Variants in GABRA3 observed in about 807,000 individuals in gnomAD.
GABRA3 encodes gamma-aminobutyric acid type A receptor subunit alpha3, also known as gamma-aminobutyric acid receptor subunit alpha-3.
Under a neutral mutation model 30.1 loss-of-function variants are expected in GABRA3, and 10 were observed. That is an observed-to-expected ratio of 0.33 (90% CI 0.20 to 0.56). The LOEUF (loss-of-function observed/expected upper bound fraction) is 0.56, where lower values mean the gene tolerates loss of function less well. Ranked by LOEUF, GABRA3 falls within the 20% of genes least tolerant of loss-of-function variation. The pLI is 0.89. For missense variants in GABRA3, 233 were observed against 392.0 expected (o/e 0.59, Z 3.42); for synonymous variants, 151 against 146.8 (o/e 1.03, Z -0.21).
At chrX:152,410,146 A>T (rs1482231281) in intron 1 of GABRA3, among the ~76,000 whole-genome samples, 2 of 112,013 alleles carry the variant, frequency 1.8e-5, no homozygotes, top group African/African-American at 6.5e-5. Context: ...GTTCTCACTC[A>T]TTTGTGAGAA....
chrX:152,248,227 C>T (rs1379085163), intron 5 of GABRA3, among the ~76,000 whole-genome samples: 1 of 110,655 alleles, frequency 9.0e-6, no homozygotes, highest in African/African-American at 3.3e-5. Context: ...CTGGGATTGG[C>T]AAACACTTGC....
intron 3 of GABRA3, among the ~76,000 whole-genome samples, chrX:152,315,690 T>G (rs1251560096): frequency 9.1e-6 from 1 of 110,069 alleles, no homozygotes; most frequent in Non-Finnish European, 1.9e-5. Flanking sequence ...GCCTGTTGGG[T>G]TGCAAGGGAG....
intron 6 of GABRA3, among the ~76,000 whole-genome samples, chrX:152,208,717 C>G (rs183419832): frequency 3.1e-4 from 34 of 111,226 alleles, no homozygotes; most frequent in African/African-American, 1.1e-3. Context: ...TTGTTTTCAA[C>G]GAGCCTTGCA....
intron 1 of GABRA3, among the ~76,000 whole-genome samples, chrX:152,422,442 GT>G (rs1378953821): frequency 3.6e-5 from 4 of 110,591 alleles, no homozygotes; most frequent in Non-Finnish European, 7.6e-5. Flanking sequence ...GATGGTTCTG[GT>G]GTGTTAATTT....
At chrX:152,199,216 A>G (rs866781812) in intron 7 of GABRA3, among the ~76,000 whole-genome samples, 6 of 107,063 alleles carry the variant, frequency 5.6e-5, no homozygotes, top group African/African-American at 2.0e-4. Context: ...AATACAAAAT[A>G]TTAGCCGGGT....
chrX:152,198,304 T>C (rs1937414602), intron 7 of GABRA3, among the ~76,000 whole-genome samples: 1 of 111,822 alleles, frequency 8.9e-6, no homozygotes, highest in Non-Finnish European at 1.9e-5. Flanking sequence ...TTTTAACCAT[T>C]ATGCTCCGCT....
At chrX:152,291,155 T>C (rs1038778625) in intron 3 of GABRA3, among the ~76,000 whole-genome samples, 3 of 111,912 alleles carry the variant, frequency 2.7e-5, no homozygotes, top group Admixed American at 1.9e-4. Flanking sequence ...GAGGGTAGAA[T>C]GTTCTTCCAT....
chrX:152,301,323 T>A (rs1398491768), intron 3 of GABRA3, among the ~76,000 whole-genome samples: 1 of 111,904 alleles, frequency 8.9e-6, no homozygotes, highest in East Asian at 2.8e-4. Context: ...AGGACTAAGA[T>A]AATTTGTCTC....
rs113341887 is a variant in GABRA3 at position 152,208,345 on chromosome X, G to C, written c.635-201C>G. 4.1e-3 allele frequency among the ~76,000 whole-genome samples: 465 copies of C among 112,247 alleles called. 3 individuals carry two copies. Among genetic ancestry groups the C allele is most frequent in the African/African-American group, 0.015 (450 of 30,864 alleles). On this transcript the variant is annotated intron_variant, in intron 6 of 9. Coordinates refer to ENST00000370314, the MANE Select transcript of GABRA3 (RefSeq NM_000808.4). Reference sequence around the variant, plus strand: ...AAACTCTCATTGAACAGCTACTGTAGTATATGCTGTGTACATAGAAATGAA... The same window carrying C: ...AAACTCTCATTGAACAGCTACTGTACTATATGCTGTGTACATAGAAATGAA...
At chrX:152,251,510 CCTCA>C (rs1353193632) in intron 5 of GABRA3, among the ~76,000 whole-genome samples, 1 of 109,268 alleles carries the variant, frequency 9.2e-6, no homozygotes, top group East Asian at 2.9e-4. Context: ...CTCTATTTCT[CCTCA>C]CTATTTGCAA....
At chrX:152,295,252 T>C (rs1270896411) in intron 3 of GABRA3, among the ~76,000 whole-genome samples, 1 of 112,551 alleles carries the variant, frequency 8.9e-6, no homozygotes, top group Non-Finnish European at 1.9e-5. Context: ...GACGTTTAAG[T>C]CTGCAGAAGT....
At position 152,317,701 on chromosome X, in the gene GABRA3, A is replaced by G. The variant is rs1946732609; in HGVS notation, c.262+27880T>C. Among the ~76,000 whole-genome samples, 6 of 112,238 alleles carry G rather than the reference A, an allele frequency of 5.3e-5. No individual in the cohort carries two copies. In the South Asian group the frequency reaches 2.2e-3, roughly 41 times the overall value. On this transcript the variant is annotated intron_variant, in intron 3 of 9. Transcript: ENST00000370314. Reference sequence around the variant, plus strand: ...CATGCTAATACATGGAAATTGAATAACCTGCTCATCAATAATCATTGGGTC... The same window carrying G: ...CATGCTAATACATGGAAATTGAATAGCCTGCTCATCAATAATCATTGGGTC...
intron 3 of GABRA3, among the ~76,000 whole-genome samples, chrX:152,296,326 G>A (rs914641860): frequency 1.8e-5 from 2 of 112,113 alleles, no homozygotes; most frequent in African/African-American, 6.5e-5. Flanking sequence ...AAGATCTAGA[G>A]TGCTTTGTTC....
chrX:152,242,352 G>A (rs1938394087), intron 5 of GABRA3, among the ~76,000 whole-genome samples: 1 of 111,286 alleles, frequency 9.0e-6, no homozygotes, highest in Non-Finnish European at 1.9e-5. Flanking sequence ...ACTGGCCTGG[G>A]CAATGATATT....
intron 6 of GABRA3, among the ~76,000 whole-genome samples, chrX:152,211,055 G>A (rs945975592): frequency 4.7e-4 from 52 of 110,676 alleles, no homozygotes; most frequent in African/African-American, 1.7e-3. Flanking sequence ...CTACTCCTAA[G>A]CAGGGAACCA....
chrX:152,220,236 C>T (rs908957930), intron 6 of GABRA3, among the ~76,000 whole-genome samples: 5 of 111,468 alleles, frequency 4.5e-5, no homozygotes, highest in South Asian at 7.4e-4. Flanking sequence ...ATACAACCAA[C>T]GGCAATGATG....
chrX:152,288,141 A>T (rs1939330780), intron 3 of GABRA3, among the ~76,000 whole-genome samples: 1 of 111,722 alleles, frequency 9.0e-6, no homozygotes. Context: ...AATTTATGTT[A>T]CCATCCACAG....
intron 5 of GABRA3, among the ~76,000 whole-genome samples, chrX:152,255,043 A>G (rs1938614887): frequency 8.9e-6 from 1 of 111,894 alleles, no homozygotes; most frequent in African/African-American, 3.2e-5. Flanking sequence ...GTTATGAAAT[A>G]CATAAAATTG....
chrX:152,301,777 C>T (rs1306017833), intron 3 of GABRA3, among the ~76,000 whole-genome samples: 1 of 111,145 alleles, frequency 9.0e-6, no homozygotes, highest in Non-Finnish European at 1.9e-5. Context: ...CATGATCTGC[C>T]CACCTCAGCC....
Sources: gnomAD v4.1 joint callset for allele counts (sites outside exome capture counted in the v4.1 genomes callset) on GRCh38, gnomAD v4.1.1 for gene constraint, MANE v1.5 for transcripts, NCBI Gene and HGNC (gene_info 2026-07-23, HGNC 2026-07-21) for gene names.